Variants in CSE1L observed in about 807,000 individuals in gnomAD.
CSE1L encodes the protein exportin-2.
In CSE1L, 24 loss-of-function variants were observed where a neutral mutation model predicts 120.4. That is an observed-to-expected ratio of 0.20 (90% CI 0.14 to 0.28). The LOEUF is 0.28. CSE1L is among the 10% of genes least tolerant of loss of function. The pLI is 1.00. For synonymous variants in CSE1L, 402 were observed against 398.3 expected (o/e 1.01, Z -0.11); for missense variants, 830 against 1,145.2 (o/e 0.72, Z 3.97).
At chr20:49,082,606 A>C (rs1600539793) in intron 14 of CSE1L, among the ~76,000 whole-genome samples, 1 of 149,448 alleles carries the variant, frequency 6.7e-6, no homozygotes, top group African/African-American at 2.5e-5. Flanking sequence ...TGCAAGCTTC[A>C]CCTCCTGGGT....
intron 1 of CSE1L, among the ~76,000 whole-genome samples, chr20:49,049,828 A>T (rs2091751895): frequency 6.6e-6 from 1 of 152,244 alleles, no homozygotes. Context: ...CAGGAGTTCC[A>T]GACCAGCCTG....
chr20:49,075,725 A>G (rs2091964019), intron 12 of CSE1L, among the ~76,000 whole-genome samples: 1 of 152,234 alleles, frequency 6.6e-6, no homozygotes, highest in Admixed American at 6.5e-5. Context: ...ATAGATGGCC[A>G]CACTTGTTAC....
chr20:49,081,071 C>T (rs575098633), intron 14 of CSE1L, among the ~76,000 whole-genome samples: 5 of 146,230 alleles, frequency 3.4e-5, no homozygotes, highest in Non-Finnish European at 7.6e-5. Flanking sequence ...GCAGCCTCCA[C>T]CTCCCAGGTT....
intron 16 of CSE1L, among the ~76,000 whole-genome samples, chr20:49,086,528 G>A (rs1021521833): frequency 2.6e-5 from 4 of 151,770 alleles, no homozygotes; most frequent in Admixed American, 6.6e-5. Context: ...ACCATGCCCA[G>A]CTAATTTTGT....
intron 14 of CSE1L, among the ~76,000 whole-genome samples, chr20:49,080,256 T>A (rs1047440239): frequency 2.0e-5 from 3 of 151,534 alleles, no homozygotes; most frequent in Non-Finnish European, 4.4e-5. Context: ...GTTTTGTTTT[T>A]TTTTATTTTT....
intron 12 of CSE1L, 25 bp downstream of exon 12, chr20:49,075,545 T>C: frequency 6.3e-7 from 1 of 1,598,662 alleles, no homozygotes; most frequent in Non-Finnish European, 8.6e-7. Context: ...TGTGGTTTTG[T>C]TTCTAAAACA....
chr20:49,078,074 TA>T (rs916113384), intron 13 of CSE1L, among the ~76,000 whole-genome samples: 4 of 152,222 alleles, frequency 2.6e-5, no homozygotes, highest in African/African-American at 7.2e-5. Context: ...TATTCCTTTT[TA>T]AAAAAAATAT....
chr20:49,073,642 T>A (rs1471488370), intron 10 of CSE1L, among the ~76,000 whole-genome samples: 1 of 152,074 alleles, frequency 6.6e-6, no homozygotes, highest in African/African-American at 2.4e-5. Context: ...TGCACCACCA[T>A]GCTCAGCTAG....
At chr20:49,088,248 AGTGTGGGC>A in intron 17 of CSE1L, 142 bp downstream of exon 17, 1 of 648,626 alleles carries the variant, frequency 1.5e-6, no homozygotes, top group South Asian at 1.8e-5. Flanking sequence ...CTTTTCTGAA[AGTGTGGGC>A]ATGCTGTTAG....
chr20:49,049,525 A>G (rs1431883322), intron 1 of CSE1L, among the ~76,000 whole-genome samples: 2 of 152,134 alleles, frequency 1.3e-5, no homozygotes, highest in Non-Finnish European at 2.9e-5. Flanking sequence ...TTAGATCAGT[A>G]ACACTTTTTG....
Position 49,066,477 on chromosome 20 carries a change from G to C in CSE1L, c.443G>C (p.Gly148Ala). ...AGTGGAGATTTCCATGTTATTAATG[G>C]AGTCCTCCGTACAGCACATTCATTA... ...FQSGDFHVIN[G>A]VLRTAHSLFK... Residue 148 changes from glycine to alanine, a missense_variant, in exon 5 of 25, where the codon GGA (glycine) becomes GCA (alanine). Transcript: ENST00000262982. 1 of 1,614,080 alleles carries C rather than the reference G, an allele frequency of 6.2e-7. No individual in the cohort carries two copies. Among genetic ancestry groups the C allele is most frequent in the African/African-American group, 1.3e-5 (1 of 75,032 alleles).
At chr20:49,085,862 G>A (rs1028173923) in intron 16 of CSE1L, among the ~76,000 whole-genome samples, 1 of 151,930 alleles carries the variant, frequency 6.6e-6, no homozygotes, top group Non-Finnish European at 1.5e-5. Flanking sequence ...ACTGCACCTG[G>A]CCAACAGTAA....
Position 49,058,666 on chromosome 20 carries a change from C to A in CSE1L, c.85+118C>A, listed in dbSNP as rs867152620. The A allele has an allele frequency of 2.1e-5, 15 of 721,500 alleles. No individual in the cohort carries two copies. The East Asian group carries it at 4.0e-4, about 19-fold the overall frequency. The allele number at this position is 721,500 out of a possible 1,614,324, so 44.7% of individuals were successfully genotyped here. A position where few individuals can be genotyped will look rare whatever the true frequency, so the allele number is the denominator to read the frequency against. The stretch of plus-strand genomic sequence containing the variant: ...AAAAATTCATACTTGGGTTCTCAAG[C>A]GTAGTTTATAAGTGTTACAGCTGCT... On this transcript the variant is annotated intron_variant, in intron 2 of 24. Transcript: ENST00000262982.
intron 1 of CSE1L, among the ~76,000 whole-genome samples, chr20:49,046,836 C>G (rs996550169): frequency 6.6e-6 from 1 of 152,234 alleles, no homozygotes; most frequent in Non-Finnish European, 1.5e-5. Flanking sequence ...CTGCTAGCCG[C>G]GCGAGCTGAG....
At chr20:49,065,157 C>CAAA (rs3091720) in intron 3 of CSE1L, among the ~76,000 whole-genome samples, 1 of 133,652 alleles carries the variant, frequency 7.5e-6, no homozygotes, top group African/African-American at 2.8e-5. Context: ...AACCCAGTCT[C>CAAA]AAAAAAAAAA....
At chr20:49,057,495 C>T (rs1197583034) in intron 1 of CSE1L, among the ~76,000 whole-genome samples, 1 of 149,896 alleles carries the variant, frequency 6.7e-6, no homozygotes, top group Non-Finnish European at 1.5e-5. Flanking sequence ...GCTCCATCAC[C>T]CAAGTTGGAG....
In CSE1L at chr20:49,096,279, G is replaced by T. The variant is rs77547378; in HGVS notation, c.2827-70G>T. The T allele has an allele frequency of 1.7e-3, 2,060 of 1,235,684 alleles. 35 individuals carry two copies. In the Admixed American group the frequency reaches 0.033, roughly 20 times the overall value. The allele number at this position is 1,235,684 out of a possible 1,614,324, so 76.5% of individuals were successfully genotyped here. A position where few individuals can be genotyped will look rare whatever the true frequency, so the allele number is the denominator to read the frequency against. Reference sequence around the variant, plus strand: ...TTCCCAGAGCTGTGGCAGCTCTCCCGTAGAAGATGGGGTTTGTATTGGCGC... The same window carrying T: ...TTCCCAGAGCTGTGGCAGCTCTCCCTTAGAAGATGGGGTTTGTATTGGCGC... On this transcript the variant is annotated intron_variant, in intron 24 of 24. Transcript: ENST00000262982.
intron 1 of CSE1L, among the ~76,000 whole-genome samples, chr20:49,053,147 CTTTTTTTTTT>C (rs71184250): frequency 0.12 from 15,040 of 122,796 alleles, 968 homozygotes; most frequent in Non-Finnish European, 0.15. Context: ...CCCTGTCTCT[CTTTTTTTTTT>C]TTTTTTTTTT....
intron 10 of CSE1L, 105 bp downstream of exon 10, chr20:49,072,802 A>C: frequency 8.8e-7 from 1 of 1,137,106 alleles, no homozygotes; most frequent in Admixed American, 3.4e-5. Flanking sequence ...CTTGTATGTC[A>C]TTTATTTCTT....
Sources: gnomAD v4.1 joint callset for allele counts (sites outside exome capture counted in the v4.1 genomes callset) on GRCh38, gnomAD v4.1.1 for gene constraint, MANE v1.5 for transcripts, NCBI Gene and HGNC (gene_info 2026-07-23, HGNC 2026-07-21) for gene names.